Variants in SORCS2 observed in about 807,000 individuals in gnomAD.
SORCS2 encodes sortilin related VPS10 domain containing receptor 2.
A neutral mutation model predicts 141.6 loss-of-function variants in SORCS2; 100 were observed. That is an observed-to-expected ratio of 0.71 (90% CI 0.60 to 0.83). SORCS2 has a LOEUF of 0.83. SORCS2 is among the 40% of genes least tolerant of loss of function. The pLI is 0.00. For synonymous variants in SORCS2, 789 were observed against 676.9 expected, an observed-to-expected ratio of 1.17 and a Z score of -2.57; for missense variants, 1,646 against 1,560.2, an observed-to-expected ratio of 1.05 and a Z score of -0.93.
chr4:7,423,490 C>T (rs1000003750), intron 2 of SORCS2, among the ~76,000 whole-genome samples: 18 of 152,248 alleles, frequency 1.2e-4, no homozygotes, highest in Admixed American at 9.1e-4. Context: ...TTATAACTCA[C>T]TGGAGGCTCG....
intron 2 of SORCS2, among the ~76,000 whole-genome samples, chr4:7,452,009 C>A (rs1728492782): frequency 6.6e-6 from 1 of 152,144 alleles, no homozygotes; most frequent in Admixed American, 6.5e-5. Flanking sequence ...CTATTCTGTG[C>A]CTTCTCTCCC....
intron 3 of SORCS2, among the ~76,000 whole-genome samples, chr4:7,595,129 C>T (rs1225012672): frequency 6.6e-6 from 1 of 152,144 alleles, no homozygotes; most frequent in African/African-American, 2.4e-5. Context: ...GGTTTCACGG[C>T]CTCCTCCTCG....
intron 1 of SORCS2, among the ~76,000 whole-genome samples, chr4:7,337,419 C>T (rs577524202): frequency 6.6e-6 from 1 of 152,148 alleles, no homozygotes; most frequent in African/African-American, 2.4e-5. Flanking sequence ...AGGAGGCCTT[C>T]CTGAGCAGGC....
At chr4:7,267,726 G>T (rs1714844877) in intron 1 of SORCS2, among the ~76,000 whole-genome samples, 2 of 152,228 alleles carry the variant, frequency 1.3e-5, no homozygotes, top group South Asian at 4.1e-4. Context: ...AGCTTCTCAG[G>T]AGGCTGAATC....
At chr4:7,721,692 T>G (rs1726598206) in intron 18 of SORCS2, among the ~76,000 whole-genome samples, 1 of 152,210 alleles carries the variant, frequency 6.6e-6, no homozygotes, top group South Asian at 2.1e-4. Flanking sequence ...TGGGTGTGTC[T>G]GCAAAGGGCA....
At chr4:7,494,097 A>C (rs1001411604) in intron 2 of SORCS2, among the ~76,000 whole-genome samples, 2 of 152,198 alleles carry the variant, frequency 1.3e-5, no homozygotes, top group African/African-American at 4.8e-5. Flanking sequence ...GGACAGATGC[A>C]TGGATGCACG....
chr4:7,275,126 C>T (rs902419285), intron 1 of SORCS2, among the ~76,000 whole-genome samples: 5 of 152,202 alleles, frequency 3.3e-5, no homozygotes, highest in Admixed American at 6.5e-5. Flanking sequence ...CGGGCATCTT[C>T]GTGGTTGCCA....
chr4:7,656,268 C>T (rs1256568306), intron 5 of SORCS2, among the ~76,000 whole-genome samples: 1 of 152,224 alleles, frequency 6.6e-6, no homozygotes, highest in African/African-American at 2.4e-5. Context: ...GCCCTGATAC[C>T]TGCTGCCTCC....
In SORCS2 at chr4:7,638,433, A is replaced by T; in HGVS notation, c.754A>T (p.Thr252Ser). The T allele has an allele frequency of 6.2e-7, 1 of 1,607,464 alleles. No homozygotes were observed. The highest frequency in any genetic ancestry group is 8.5e-7 in the Non-Finnish European group (1 of 1,177,398). Residue 252 changes from threonine (T) to serine (S), a missense_variant, in exon 4 of 27, where the codon ACT becomes TCT. Transcript: ENST00000507866. Reference protein sequence around the residue: ...QKQPIPFFVETLIFHPKEEDK... With the variant: ...QKQPIPFFVESLIFHPKEEDK... ...GCAGCCCATTCCCTTCTTCGTGGAA[A>T]CTCTGATTTTCCACCCTAAGGAGGA... is the stretch of plus-strand genomic sequence containing the variant.
intron 3 of SORCS2, among the ~76,000 whole-genome samples, chr4:7,592,256 A>AT (rs550695355): frequency 2.3e-4 from 35 of 151,426 alleles, no homozygotes; most frequent in South Asian, 2.1e-3. Flanking sequence ...AATTATTATT[A>AT]TTTTTTTTAA....
intron 2 of SORCS2, among the ~76,000 whole-genome samples, chr4:7,511,977 G>A (rs112822264): frequency 0.014 from 2,104 of 152,316 alleles, 52 homozygotes; most frequent in African/African-American, 0.049. Context: ...GGGAGACACG[G>A]TGCCCTCCCC....
intron 3 of SORCS2, among the ~76,000 whole-genome samples, chr4:7,539,066 C>T (rs934468675): frequency 3.3e-5 from 5 of 152,290 alleles, no homozygotes; most frequent in African/African-American, 1.2e-4. Context: ...CAAGTTGTTT[C>T]CCCCAGGCCC....
At chr4:7,705,178 C>G (rs1205451885) in intron 14 of SORCS2, among the ~76,000 whole-genome samples, 1 of 152,018 alleles carries the variant, frequency 6.6e-6, no homozygotes, top group Non-Finnish European at 1.5e-5. Flanking sequence ...GGGAGGAGGC[C>G]GGGGAGGGAG....
intron 1 of SORCS2, among the ~76,000 whole-genome samples, chr4:7,374,212 G>A (rs528535325): frequency 5.1e-5 from 7 of 138,130 alleles, no homozygotes; most frequent in South Asian, 4.7e-4. Context: ...GCAGAGAGAC[G>A]TTCAATTGAT....
chr4:7,355,432 C>T (rs147554226), intron 1 of SORCS2, among the ~76,000 whole-genome samples: 1,897 of 152,266 alleles, frequency 0.012, 19 homozygotes, highest in South Asian at 0.018. Context: ...AAGTTAATGG[C>T]TTATGCTATA....
Position 7,736,276 on chromosome 4 carries a change from G to A in SORCS2, c.3312-793G>A, listed in dbSNP as rs78362370. Among the ~76,000 whole-genome samples, 164 of 152,372 alleles carry A rather than the reference G, an allele frequency of 1.1e-3. No homozygotes were observed. The East Asian group carries it at 0.011, about 11-fold the overall frequency. ...TAGACTGAGGCAGCAGCGCTGCTTT[G>A]AGCATATAAATCCAGTGGTGAAGTG... On this transcript the variant is annotated intron_variant, in intron 25 of 26. Coordinates refer to ENST00000507866, the MANE Select transcript of SORCS2 (RefSeq NM_020777.3).
At chr4:7,630,772 G>A (rs549834956) in intron 3 of SORCS2, among the ~76,000 whole-genome samples, 7 of 152,168 alleles carry the variant, frequency 4.6e-5, no homozygotes, top group African/African-American at 1.7e-4. Flanking sequence ...GTTCGCCTCC[G>A]CTGTTTGCCT....
In SORCS2 at chr4:7,525,736, CCTG is replaced by C. The variant is rs1479552698; in HGVS notation, c.549-5792_549-5790del. Among the ~76,000 whole-genome samples the C allele has an allele frequency of 9.7e-5, 11 of 113,272 alleles. No individual in the cohort carries two copies. In the East Asian group the frequency reaches 2.7e-3, roughly 28 times the overall value. 74.3% of individuals were successfully genotyped at this position (113,272 alleles called of 152,430 possible). A position where few individuals can be genotyped will look rare whatever the true frequency, so the allele number is the denominator to read the frequency against. On this transcript the variant is annotated intron_variant, in intron 2 of 26. Coordinates refer to ENST00000507866, the MANE Select transcript of SORCS2 (RefSeq NM_020777.3). ...CCCTTCTTGCAGTCACCTGTCCCCTCCTGCAGTCACCTGTGCCCTCCTGCAATC... is the reference window on the plus strand; with the variant it reads ...CCCTTCTTGCAGTCACCTGTCCCCTCCAGTCACCTGTGCCCTCCTGCAATC...
At chr4:7,453,587 A>G (rs1405036789) in intron 2 of SORCS2, among the ~76,000 whole-genome samples, 7 of 87,574 alleles carry the variant, frequency 8.0e-5, no homozygotes, top group African/African-American at 1.9e-4. Flanking sequence ...GGGGTCAGGC[A>G]CTGTGTTGGG....
Sources: gnomAD v4.1 joint callset for allele counts (sites outside exome capture counted in the v4.1 genomes callset) on GRCh38, gnomAD v4.1.1 for gene constraint, MANE v1.5 for transcripts, NCBI Gene and HGNC (gene_info 2026-07-23, HGNC 2026-07-21) for gene names.